RNF17: variants seen among roughly 807,000 people sequenced by gnomAD.
RNF17 encodes the protein ring finger protein 17, also known as spermatogenesis associated 23.
RNF17 carries 31 observed loss-of-function variants against 200.5 expected under a neutral mutation model. The ratio of observed to expected loss-of-function variants is 0.15; its 90% confidence interval spans 0.12 to 0.21. The LOEUF (loss-of-function observed/expected upper bound fraction) is 0.21. RNF17 is among the 10% of genes least tolerant of loss of function. RNF17 has a pLI of 1.00. For synonymous variants in RNF17, 606 were observed against 637.8 expected (o/e 0.95, Z 0.75); for missense variants, 1,628 against 1,905.1 (o/e 0.85, Z 2.71).
rs1881364895 is a variant in RNF17, at chr13:24,775,009, A to C, written c.317+105A>C. On this transcript the variant is annotated intron_variant, in intron 3 of 35. Transcript: ENST00000255324. ...ATCCTTAAGTCTGCATTTCTAACCT[A>C]CTGTTTATGGAATGCTCTTTAAGTT... The C allele has an allele frequency of 9.8e-6, 7 of 717,070 alleles. No homozygotes were observed. The South Asian group carries it at 1.4e-4, about 15-fold the overall frequency. The allele number at this position is 717,070 out of a possible 1,614,324, so 44.4% of individuals were successfully genotyped here.
At chr13:24,806,894 C>T (rs1382124648) in intron 15 of RNF17, among the ~76,000 whole-genome samples, 2 of 149,316 alleles carry the variant, frequency 1.3e-5, no homozygotes, top group Non-Finnish European at 3.0e-5. Context: ...TAAGAATATG[C>T]GGTGTTTGGT....
chr13:24,883,036 A>T, downstream of RNF17: 1 of 713,842 alleles, frequency 1.4e-6, no homozygotes, highest in Non-Finnish European at 2.4e-6. Flanking sequence ...ATAAAAATGA[A>T]GATGCCACAG....
chr13:24,812,331 A>G (rs1886763563), intron 15 of RNF17, among the ~76,000 whole-genome samples: 2 of 151,780 alleles, frequency 1.3e-5, no homozygotes. Context: ...CATGTGCGGG[A>G]TATAATCTCC....
At chr13:24,842,411 A>C (rs75291303) in intron 19 of RNF17, among the ~76,000 whole-genome samples, 2,977 of 152,264 alleles carry the variant, frequency 0.02, 94 homozygotes, top group African/African-American at 0.067. Context: ...GCTTCTAAGG[A>C]AAGGAGACTG....
At chr13:24,864,672 A>G (rs940687945) in intron 28 of RNF17, among the ~76,000 whole-genome samples, 27 of 152,186 alleles carry the variant, frequency 1.8e-4, no homozygotes, top group Non-Finnish European at 4.0e-4. Context: ...TTGAAAGTGT[A>G]TATTACATAA....
At chr13:24,820,864 T>C (rs925208424) in intron 15 of RNF17, among the ~76,000 whole-genome samples, 1 of 152,222 alleles carries the variant, frequency 6.6e-6, no homozygotes, top group Non-Finnish European at 1.5e-5. Flanking sequence ...AGAGTTTGAT[T>C]ATGTGTCTTG....
rs1354489068 is a variant in RNF17 at position 24,862,769 on chromosome 13, G to T, written c.3951G>T (p.Lys1317Asn). ...AIEVLQQLLS[K>N]RQVDIHIMEL... ...AAGTTCTTCAACAACTGCTTTCAAA[G>T]AGACAGGTGGACATTCACATTATGG... Residue 1317 changes from lysine to asparagine, a missense_variant, in exon 28 of 36, where the codon AAG (lysine) becomes AAT (asparagine). This residue lies in a region of RNF17 where 609 missense variants were observed against 681.9 expected (regional missense o/e 0.89). Transcript: ENST00000255324. 3.7e-6 allele frequency: 6 copies of T among 1,601,826 alleles called. No individual in the cohort carries two copies. The highest frequency in any genetic ancestry group is 5.1e-6 in the Non-Finnish European group (6 of 1,169,146).
Position 24,853,922 on chromosome 13 carries a change from G to GATTCAGT in RNF17, c.3390_3396dup (p.Val1133PhefsTer5), listed in dbSNP as rs1566229246. ...TCTGGAAGTCCCCCTGGAACAGGAA[G>GATTCAGT]ATTCAGTAGTTACTAACTGTATTAA... On this transcript the variant is annotated frameshift_variant, in exon 25 of 36. Coordinates refer to ENST00000255324, the MANE Select transcript of RNF17 (RefSeq NM_031277.3). LOFTEE classifies it high-confidence loss of function. 6.2e-7 allele frequency: 1 copy of GATTCAGT among 1,613,844 alleles called. No homozygotes were observed. The highest frequency in any genetic ancestry group is 1.1e-5 in the South Asian group (1 of 91,062).
At chr13:24,874,087 A>AT (rs762126482) in intron 32 of RNF17, 27 bp from the exon 33 acceptor site, 60 of 1,602,858 alleles carry the variant, frequency 3.7e-5, no homozygotes, top group Non-Finnish European at 4.8e-5. Flanking sequence ...AGACAATATG[A>AT]TTTTTTCCCT....
At chr13:24,797,753 G>A (rs1884782812) in intron 11 of RNF17, among the ~76,000 whole-genome samples, 1 of 42,866 alleles carries the variant, frequency 2.3e-5, no homozygotes, top group Non-Finnish European at 5.6e-5. Context: ...TGTTTACCCT[G>A]CAATGGAATG....
At chr13:24,850,263 G>A (rs746585343) in intron 22 of RNF17, 78 bp from the exon 23 acceptor site, 1 of 874,278 alleles carries the variant, frequency 1.1e-6, no homozygotes. Context: ...GTATCTGTGT[G>A]TAAATATAGT....
chr13:24,868,192 C>T (rs1422717054), intron 30 of RNF17, among the ~76,000 whole-genome samples: 4 of 152,090 alleles, frequency 2.6e-5, no homozygotes, highest in African/African-American at 4.8e-5. Flanking sequence ...TTGCTGGGGC[C>T]GGGCGCGGTG....
intron 15 of RNF17, among the ~76,000 whole-genome samples, chr13:24,819,637 T>C (rs940364052): frequency 6.6e-6 from 1 of 152,234 alleles, no homozygotes; most frequent in Non-Finnish European, 1.5e-5. Flanking sequence ...AAAAAACTAC[T>C]TCTCTGCAGC....
downstream of RNF17, chr13:24,884,169 C>T (rs1231677593): frequency 1.1e-5 from 18 of 1,613,958 alleles, no homozygotes; most frequent in Admixed American, 2.8e-4. Context: ...ACCTATTTGT[C>T]CACTTGAGAA....
downstream of RNF17, among the ~76,000 whole-genome samples, chr13:24,880,645 A>G (rs1275896456): frequency 5.3e-5 from 8 of 152,114 alleles, no homozygotes; most frequent in African/African-American, 1.9e-4. Flanking sequence ...CTGATATTCC[A>G]TTACCAGTTT....
chr13:24,760,419 T>C (rs897021273), upstream of RNF17, among the ~76,000 whole-genome samples: 3 of 152,098 alleles, frequency 2.0e-5, no homozygotes, highest in Non-Finnish European at 4.4e-5. Context: ...AAACTAGATA[T>C]CCACATGCAG....
intron 34 of RNF17, among the ~76,000 whole-genome samples, chr13:24,878,070 G>A (rs577389563): frequency 1.3e-5 from 2 of 152,342 alleles, no homozygotes; most frequent in South Asian, 4.1e-4. Flanking sequence ...ATAGGAACAT[G>A]TGATGTTCAG....
chr13:24,762,198 A>G (rs57828833), upstream of RNF17, among the ~76,000 whole-genome samples: 16,528 of 151,948 alleles, frequency 0.11, 1,096 homozygotes, highest in Admixed American at 0.14. Flanking sequence ...AGTGAAACCC[A>G]GTCAATACTA....
chr13:24,815,977 A>G (rs1394855713), intron 15 of RNF17, among the ~76,000 whole-genome samples: 4 of 152,068 alleles, frequency 2.6e-5, no homozygotes, highest in Admixed American at 2.0e-4. Flanking sequence ...TCACGGCAAC[A>G]TTTGCCTCCC....
Sources: allele counts gnomAD v4.1 joint callset (sites outside exome capture counted in the v4.1 genomes callset), GRCh38; gene constraint gnomAD v4.1.1; regional missense constraint gnomAD v4.1.1; transcripts MANE v1.5; gene names NCBI Gene and HGNC (gene_info 2026-07-23, HGNC 2026-07-21).